Variants in MYH14 observed in about 807,000 individuals in gnomAD.
MYH14 encodes myosin-14.
Under a neutral mutation model 255.5 loss-of-function variants are expected in MYH14, and 123 were observed. That is an observed-to-expected ratio of 0.48 (90% confidence interval 0.42 to 0.56). MYH14 has a LOEUF of 0.56. MYH14 is among the 20% of genes least tolerant of loss of function. The pLI is 0.00. For synonymous variants in MYH14, 1,095 were observed against 1,161.2 expected, an observed-to-expected ratio of 0.94 and a Z score of 1.16; for missense variants, 2,423 against 2,802.3, an observed-to-expected ratio of 0.86 and a Z score of 3.06.
chr19:50,268,670 TC>T (rs749721246), intron 24 of MYH14, among the ~76,000 whole-genome samples: 10 of 152,142 alleles, frequency 6.6e-5, no homozygotes, highest in African/African-American at 1.4e-4. Context: ...CCAAGTGATA[TC>T]CTCAGCTTCA....
intron 21 of MYH14, 48 bp downstream of exon 21, chr19:50,261,683 C>T (rs769197455): frequency 6.6e-7 from 1 of 1,526,310 alleles, no homozygotes; most frequent in South Asian, 1.3e-5. Context: ...GAGACTGGGT[C>T]AGGGAGGGGT....
In MYH14 at chr19:50,261,526, ATCT is replaced by A. The variant is rs1303331526; in HGVS notation, c.2482_2484del (p.Phe828del). The stretch of plus-strand genomic sequence containing the variant: ...CCTCTACCGCGTGGGACAGAGCAAG[ATCT>A]TCTTCCGGGCTGGGGTCCTGGCCCA... On this transcript the variant is annotated inframe_deletion, in exon 21 of 43. Transcript: ENST00000642316. 3.8e-6 allele frequency: 6 copies of A among 1,588,152 alleles called. No individual in the cohort carries two copies. The highest frequency in any genetic ancestry group is 5.1e-6 in the Non-Finnish European group (6 of 1,171,204).
chr19:50,230,693 C>T lies in MYH14; in HGVS notation c.973+70C>T, dbSNP rs1202820197. 1.5e-6 allele frequency: 2 copies of T among 1,376,224 alleles called. No homozygotes were observed. The highest frequency in any genetic ancestry group is 1.0e-6 in the Non-Finnish European group (1 of 996,938). 85.3% of individuals were successfully genotyped at this position (1,376,224 alleles called of 1,614,324 possible). A position where few individuals can be genotyped will look rare whatever the true frequency, so the allele number is the denominator to read the frequency against. Reference sequence around the variant, plus strand: ...GCACCATGTCTCTCGGGGGCCCCTTCTGGGGAGGAAGCAAGAGTGGGGGGC... The same window carrying T: ...GCACCATGTCTCTCGGGGGCCCCTTTTGGGGAGGAAGCAAGAGTGGGGGGC... On this transcript the variant is annotated intron_variant, in intron 9 of 42. Transcript: ENST00000642316. The surrounding 1 kb of genome is among the most constrained non-coding windows in gnomAD (Gnocchi z 4.7).
chr19:50,276,375 C>T lies in MYH14; in HGVS notation c.3680+172C>T, dbSNP rs2035509470. Among the ~76,000 whole-genome samples the T allele has an allele frequency of 2.6e-5, 4 of 152,124 alleles. No individual in the cohort carries two copies. ...GCTGGGGACAGAGATGGGTCAGACC[C>T]AGGTGTTACCCTTGGGAACTTCCAG... On this transcript the variant is annotated intron_variant, in intron 28 of 42. Coordinates refer to ENST00000642316, the MANE Select transcript of MYH14 (RefSeq NM_001145809.2). This position sits in a 1 kb window ranked among gnomAD's most constrained non-coding sequence, Gnocchi z 4.3.
chr19:50,209,580 C>G (rs1415176067), intron 1 of MYH14, among the ~76,000 whole-genome samples: 1 of 150,916 alleles, frequency 6.6e-6, no homozygotes, highest in Admixed American at 6.6e-5. Flanking sequence ...GTCAGGGGAT[C>G]GAGACCAACC....
chr19:50,240,229 T>C (rs663579), intron 10 of MYH14, among the ~76,000 whole-genome samples: 146,697 of 152,232 alleles, frequency 0.96, 70,733 homozygotes, highest in African/African-American at 0.99. Context: ...TGGAGCTGGA[T>C]GTCTATAGTA....
chr19:50,268,924 G>A (rs559234641), intron 24 of MYH14, among the ~76,000 whole-genome samples: 54 of 152,272 alleles, frequency 3.5e-4, no homozygotes, highest in African/African-American at 1.2e-3. Context: ...AATCTAGTGT[G>A]TATTTTACAC....
At position 50,289,956 on chromosome 19, in the gene MYH14, A is replaced by C. The variant is rs369728043; in HGVS notation, c.4965+308A>C. On this transcript the variant is annotated intron_variant, in intron 35 of 42. Transcript: ENST00000642316. The stretch of plus-strand genomic sequence containing the variant: ...CCCATTAACCTGCCATGACCCATTA[A>C]CCCACACACATATCCTGTTGACCTG... 3.9e-5 allele frequency among the ~76,000 whole-genome samples: 6 copies of C among 152,002 alleles called. No individual in the cohort carries two copies. In the East Asian group the frequency reaches 5.8e-4, roughly 15 times the overall value.
rs1210846706 is a variant in MYH14 at position 50,245,439 on chromosome 19, GAAAGAAAGAAA to G, written c.1210+1105_1210+1115del. Among the ~76,000 whole-genome samples, 136 of 128,146 alleles carry G rather than the reference GAAAGAAAGAAA, an allele frequency of 1.1e-3. 3 individuals are homozygous for G. Among genetic ancestry groups the G allele is most frequent in the African/African-American group, 2.7e-3 (93 of 34,236 alleles). The allele number at this position is 128,146 out of a possible 152,430, so 84.1% of individuals were successfully genotyped here. On this transcript the variant is annotated intron_variant, in intron 11 of 42. Coordinates refer to ENST00000642316, the MANE Select transcript of MYH14 (RefSeq NM_001145809.2). ...TGTCTCCAAAAAAAAAAAAGAAGAA[GAAAGAAAGAAA>G]AAGAAGAAGAAAGAAAGAAAAAGAA...
At chr19:50,286,753 G>A (rs1045254734) in intron 34 of MYH14, 59 bp downstream of exon 34, 4 of 1,442,252 alleles carry the variant, frequency 2.8e-6, no homozygotes, top group Non-Finnish European at 3.8e-6. Flanking sequence ...GTACATGCAT[G>A]TATGCTTTCA....
intron 10 of MYH14, among the ~76,000 whole-genome samples, chr19:50,233,637 G>A (rs2033514957): frequency 2.0e-5 from 3 of 152,200 alleles, no homozygotes; most frequent in East Asian, 1.9e-4. Flanking sequence ...TGGTGTTAGT[G>A]AGGGTGGTTC....
At chr19:50,269,169 A>G (rs766607507) in intron 24 of MYH14, among the ~76,000 whole-genome samples, 33 of 152,200 alleles carry the variant, frequency 2.2e-4, no homozygotes, top group Middle Eastern at 3.4e-3. Context: ...AAAGCTCAGT[A>G]ATGTTTTTTT....
intron 39 of MYH14, among the ~76,000 whole-genome samples, chr19:50,297,093 C>G (rs560034975): frequency 5.9e-5 from 9 of 152,174 alleles, no homozygotes; most frequent in South Asian, 2.1e-4. Flanking sequence ...TCAAGTGATT[C>G]TCCTGCCTCA....
Position 50,210,531 on chromosome 19 carries a change from G to A in MYH14, c.166G>A (p.Val56Met). 6.3e-7 allele frequency: 1 copy of A among 1,578,230 alleles called. No individual in the cohort carries two copies. Among genetic ancestry groups the A allele is most frequent in the Non-Finnish European group, 8.6e-7 (1 of 1,163,790 alleles). The change falls in exon 2 of 43, where the codon GTG (valine) becomes ATG (methionine). Residue 56 changes from valine (V) to methionine (M), a missense_variant. Val to Met is a conservative substitution (Grantham distance 21). Around this residue, in one of 3 missense-constraint regions of MYH14, gnomAD observed 238 missense variants for 245.8 expected, o/e 0.97. Transcript: ENST00000642316. The part of the protein sequence containing the change: ...PQVEWTARRL[V>M]WVPSELHGFE... ...GGTGGAGTGGACGGCCCGGCGTCTC[G>A]TGTGGGTGCCTTCGGAGCTTCACGG...
intron 17 of MYH14, among the ~76,000 whole-genome samples, chr19:50,256,499 G>A (rs185114477): frequency 2.0e-5 from 3 of 152,304 alleles, no homozygotes; most frequent in Non-Finnish European, 4.4e-5. Flanking sequence ...AGCCTTCCAA[G>A]TAGCTGGGAT....
rs1323342750 is a variant in MYH14, at chr19:50,226,770, AG to A, written c.811-131del. The A allele has an allele frequency of 5.1e-6, 4 of 784,196 alleles. No individual in the cohort carries two copies. The East Asian group carries it at 1.1e-4, about 21-fold the overall frequency. 48.6% of individuals were successfully genotyped at this position (784,196 alleles called of 1,614,324 possible). A position where few individuals can be genotyped will look rare whatever the true frequency, so the allele number is the denominator to read the frequency against. On this transcript the variant is annotated intron_variant, in intron 7 of 42. Coordinates refer to ENST00000642316, the MANE Select transcript of MYH14 (RefSeq NM_001145809.2). ...GGGGACTCACCACAGGATGGGGTTC[AG>A]GTAGAGGGAGCAAGGAAGTGGGGGG...
intron 10 of MYH14, among the ~76,000 whole-genome samples, chr19:50,233,678 C>T (rs2033518112): frequency 6.6e-6 from 1 of 152,074 alleles, no homozygotes; most frequent in African/African-American, 2.4e-5. Flanking sequence ...AGGTCTCTCC[C>T]TAGGCTCCTG....
intron 2 of MYH14, among the ~76,000 whole-genome samples, chr19:50,213,031 C>A (rs2032280018): frequency 6.6e-6 from 1 of 152,334 alleles, no homozygotes; most frequent in East Asian, 1.9e-4. Flanking sequence ...TGGCTTACTG[C>A]AGCCTTCACC....
intron 22 of MYH14, among the ~76,000 whole-genome samples, chr19:50,265,261 C>T (rs2035040216): frequency 1.3e-5 from 2 of 151,532 alleles, no homozygotes; most frequent in South Asian, 2.1e-4. Flanking sequence ...CCTGTAATCC[C>T]AGCACTTCGG....
Sources: allele counts gnomAD v4.1 joint callset (sites outside exome capture counted in the v4.1 genomes callset), GRCh38; gene constraint gnomAD v4.1.1; regional missense constraint gnomAD v4.1.1; non-coding constraint Gnocchi (gnomAD v3.1); transcripts MANE v1.5; gene names NCBI Gene and HGNC (gene_info 2026-07-23, HGNC 2026-07-21).